Variants in DPRX observed in about 807,000 individuals in gnomAD.
The protein encoded by DPRX is divergent-paired related homeobox.
A neutral mutation model predicts 8.4 loss-of-function variants in DPRX; 11 were observed. That is an observed-to-expected ratio of 1.31 (90% CI 0.82 to 2.17). DPRX has a LOEUF of 2.17. DPRX is among the 30% of genes most tolerant of loss of function. The pLI is 0.00. For missense variants in DPRX, 211 were observed against 236.7 expected (o/e 0.89, Z 0.71); for synonymous variants, 72 against 87.0 (o/e 0.83, Z 0.96).
At chr19:53,619,500 C>T in the DPRX span, among the ~76,000 whole-genome samples, 3 of 151,980 alleles carry the variant, frequency 2.0e-5, no homozygotes, top group African/African-American at 7.3e-5. Flanking sequence ...CATGGAGAAA[C>T]CCTGTCTCTA....
At chr19:53,611,910 C>G in the DPRX span, among the ~76,000 whole-genome samples, 1 of 151,776 alleles carries the variant, frequency 6.6e-6, no homozygotes, top group Non-Finnish European at 1.5e-5. Flanking sequence ...ATGGTGAAAA[C>G]CCGTCTCTGT....
chr19:53,616,970 C>T, the DPRX span: 147 of 1,206,892 alleles, frequency 1.2e-4, no homozygotes, highest in Middle Eastern at 2.3e-3. Context: ...ACGGTTGAAC[C>T]GCCAGGTGTT....
chr19:53,626,343 T>C, the DPRX span, among the ~76,000 whole-genome samples: 1 of 152,266 alleles, frequency 6.6e-6, no homozygotes, highest in Non-Finnish European at 1.5e-5. Context: ...CCTCCCACAG[T>C]GCTGGGATTA....
At chr19:53,618,148 AAAAAAAAG>A in the DPRX span, among the ~76,000 whole-genome samples, 1,037 of 135,130 alleles carry the variant, frequency 7.7e-3, 16 homozygotes, top group African/African-American at 0.03. Flanking sequence ...GTTTCAAAAA[AAAAAAAAG>A]AAAGAAAGAA....
chr19:53,603,997 C>T, the DPRX span, among the ~76,000 whole-genome samples: 4 of 152,092 alleles, frequency 2.6e-5, no homozygotes, highest in Admixed American at 1.3e-4. Flanking sequence ...CCACCTGTCT[C>T]GGCCTCCCAA....
chr19:53,630,052 CA>C (rs1257104405), upstream of DPRX: 232 of 142,676 alleles, frequency 1.6e-3, no homozygotes, highest in African/African-American at 5.0e-3. Flanking sequence ...ACTAAAAATA[CA>C]AAAAAAAAAA....
chr19:53,606,411 CAG>C, the DPRX span: 1 of 152,486 alleles, frequency 6.6e-6, no homozygotes, highest in African/African-American at 2.4e-5. This position sits in a 1 kb window ranked among gnomAD's most constrained non-coding sequence, Gnocchi z 4.8. Context: ...AGACAGCAGA[CAG>C]GGAGAGAGCA....
the DPRX span, chr19:53,617,231 A>G: frequency 2.5e-6 from 2 of 805,624 alleles, no homozygotes; most frequent in East Asian, 2.5e-5. Context: ...TGAGAATGAA[A>G]CTACCGGGCT....
At chr19:53,601,148 C>A in the DPRX span, 1 of 411,872 alleles carries the variant, frequency 2.4e-6, no homozygotes. Context: ...TCCTGAGTAG[C>A]TGGGACTACA....
chr19:53,615,427 C>G, the DPRX span, among the ~76,000 whole-genome samples: 1 of 151,866 alleles, frequency 6.6e-6, no homozygotes. Flanking sequence ...ATTACAGGTG[C>G]GTGCCACCAC....
the DPRX span, chr19:53,608,185 A>C: frequency 7.1e-6 from 1 of 140,128 alleles, no homozygotes; most frequent in Non-Finnish European, 1.5e-5. Flanking sequence ...AAAAAAAGTA[A>C]ATAAATAAAT....
At chr19:53,622,761 A>T in the DPRX span, among the ~76,000 whole-genome samples, 4 of 152,144 alleles carry the variant, frequency 2.6e-5, no homozygotes, top group Admixed American at 2.6e-4. Flanking sequence ...CCTCTTCAAA[A>T]ATGAAGACAT....
At chr19:53,603,478 G>A in the DPRX span, 2 of 442,588 alleles carry the variant, frequency 4.5e-6, no homozygotes, top group Admixed American at 4.9e-5. Context: ...TCTGCTTTGG[G>A]TACAGAATTC....
the DPRX span, chr19:53,606,404 C>G: frequency 6.6e-6 from 1 of 152,476 alleles, no homozygotes; most frequent in East Asian, 1.9e-4. The surrounding 1 kb of genome is among the most constrained non-coding windows in gnomAD (Gnocchi z 4.8). Context: ...GAGAACCAGA[C>G]AGCAGACAGG....
At chr19:53,616,289 A>T in the DPRX span, among the ~76,000 whole-genome samples, 1 of 151,968 alleles carries the variant, frequency 6.6e-6, no homozygotes, top group Non-Finnish European at 1.5e-5. Flanking sequence ...AATAAAAAAG[A>T]AGTGTTTCCC....
In DPRX at chr19:53,634,406, C is replaced by T. The variant is rs535430545; in HGVS notation, c.29-125C>T. On this transcript the variant is annotated intron_variant, in intron 1 of 2. Transcript: ENST00000376650. The stretch of plus-strand genomic sequence containing the variant: ...AGATTGTGCCACTGCACTCCAGCCT[C>T]GGTGACAGAACCTCAGTCACTTGAT... 4.4e-4 allele frequency: 538 copies of T among 1,234,064 alleles called. 1 individual carries two copies. Among genetic ancestry groups the T allele is most frequent in the Non-Finnish European group, 5.6e-4 (498 of 893,248 alleles). The allele number at this position is 1,234,064 out of a possible 1,614,324, so 76.4% of individuals were successfully genotyped here.
intron 1 of DPRX, among the ~76,000 whole-genome samples, chr19:53,632,337 G>A (rs552171036): frequency 2.6e-5 from 4 of 152,224 alleles, no homozygotes; most frequent in South Asian, 4.2e-4. Flanking sequence ...GTCTCACTCT[G>A]TCGCTCAGGC....
chr19:53,623,204 G>A, the DPRX span, among the ~76,000 whole-genome samples: 1 of 151,998 alleles, frequency 6.6e-6, no homozygotes, highest in Non-Finnish European at 1.5e-5. Flanking sequence ...CTATTCAGAA[G>A]GCTGAGGCAG....
chr19:53,621,237 A>G, the DPRX span, among the ~76,000 whole-genome samples: 1 of 152,030 alleles, frequency 6.6e-6, no homozygotes, highest in Non-Finnish European at 1.5e-5. Flanking sequence ...GGTTCAAGCA[A>G]TCCTCCTGCC....
Sources: gnomAD v4.1 joint callset for allele counts (sites outside exome capture counted in the v4.1 genomes callset) on GRCh38, gnomAD v4.1.1 for gene constraint, Gnocchi (gnomAD v3.1) non-coding constraint, MANE v1.5 for transcripts, NCBI Gene and HGNC (gene_info 2026-07-23, HGNC 2026-07-21) for gene names.